The following PCDHA6 variants were observed in gnomAD, a reference collection of about 807,000 sequenced individuals.
PCDHA6 encodes the protein protocadherin alpha 6.
Under a neutral mutation model 60.3 loss-of-function variants are expected in PCDHA6, and 55 were observed. The observed-to-expected ratio is 0.91, with a 90% CI of 0.73 to 1.14. The LOEUF is 1.14. Ranked by LOEUF, PCDHA6 falls within the 50% of genes most tolerant of loss-of-function variation. PCDHA6 has a pLI of 0.00. For synonymous variants in PCDHA6, 652 were observed against 557.9 expected (o/e 1.17, Z -2.38); for missense variants, 1,327 against 1,256.5 (o/e 1.06, Z -0.85).
At chr5:140,944,304 C>T (rs1383475197) in intron 1 of PCDHA6, among the ~76,000 whole-genome samples, 1 of 152,162 alleles carries the variant, frequency 6.6e-6, no homozygotes, top group Non-Finnish European at 1.5e-5. Context: ...CCTCCTACCT[C>T]AGCCTCCTGA....
chr5:141,007,671 A>G (rs1161141271), intron 3 of PCDHA6, among the ~76,000 whole-genome samples: 1 of 152,184 alleles, frequency 6.6e-6, no homozygotes, highest in African/African-American at 2.4e-5. Context: ...TTACAAAGAC[A>G]AAAGTTATCC....
At position 140,931,063 on chromosome 5, in the gene PCDHA6, A is replaced by C. The variant is rs1584700470; in HGVS notation, c.2395-47886A>C. Among the ~76,000 whole-genome samples, 4 of 152,202 alleles carry C rather than the reference A, an allele frequency of 2.6e-5. No individual in the cohort carries two copies. In the South Asian group the frequency reaches 8.3e-4, roughly 31 times the overall value. On this transcript the variant is annotated intron_variant, in intron 1 of 3. Coordinates refer to ENST00000529310, the MANE Select transcript of PCDHA6 (RefSeq NM_018909.4). ...GAAAAACTTCAATGCTGTGTCTGGGACTAAGTATGAGTCCAGTTCTACAGA... is the reference window on the plus strand; with the variant it reads ...GAAAAACTTCAATGCTGTGTCTGGGCCTAAGTATGAGTCCAGTTCTACAGA...
At chr5:140,911,934 A>G (rs2075691303) in intron 1 of PCDHA6, among the ~76,000 whole-genome samples, 1 of 152,158 alleles carries the variant, frequency 6.6e-6, no homozygotes, top group East Asian at 1.9e-4. Flanking sequence ...AATAGGATAG[A>G]TGTATATATA....
At chr5:140,882,491 C>T (rs782462724) in intron 1 of PCDHA6, 1 of 1,614,078 alleles carries the variant, frequency 6.2e-7, no homozygotes, top group South Asian at 1.1e-5. Flanking sequence ...CGGGGACCTT[C>T]TGGAGGTAAA....
At position 140,830,426 on chromosome 5, in the gene PCDHA6, T is replaced by G. The variant is rs2150186356; in HGVS notation, c.2335T>G (p.Cys779Gly). 1 of 1,613,866 alleles carries G rather than the reference T, an allele frequency of 6.2e-7. No homozygotes were observed. Among genetic ancestry groups the G allele is most frequent in the Non-Finnish European group, 8.5e-7 (1 of 1,179,752 alleles). ...GGCCTTTAGCCCCAGCCTTTCACCT[T>G]GTCCTATTATGATGGGTAAGGCGGA... ...LMAFSPSLSP[C>G]PIMMGKAENQ... Residue 779 changes from cysteine to glycine, a missense_variant, in exon 1 of 4, where the codon TGT (cysteine) becomes GGT (glycine). Coordinates refer to ENST00000529310, the MANE Select transcript of PCDHA6 (RefSeq NM_018909.4).
At position 140,848,676 on chromosome 5, in the gene PCDHA6, C is replaced by A. The variant is rs2150416820; in HGVS notation, c.2394+18191C>A. 8.2e-6 allele frequency: 13 copies of A among 1,592,292 alleles called. 1 individual carries two copies. The African/African-American group carries it at 1.1e-4, about 13-fold the overall frequency. ...GGGGCTGGAGCTGGCGGAGCTGGTG[C>A]CGCGCCTGTTCCAGTTGGATTCCAA... On this transcript the variant is annotated intron_variant, in intron 1 of 3. Transcript: ENST00000529310.
intron 1 of PCDHA6, among the ~76,000 whole-genome samples, chr5:140,890,676 C>T (rs1377876863): frequency 3.3e-5 from 5 of 152,164 alleles, no homozygotes; most frequent in African/African-American, 1.2e-4. Flanking sequence ...AACCCTTCCT[C>T]CTTCTGGGAA....
chr5:140,882,958 C>T (rs1582656438), intron 1 of PCDHA6: 1 of 1,614,040 alleles, frequency 6.2e-7, no homozygotes, highest in Non-Finnish European at 8.5e-7. Flanking sequence ...AGCTGCTCAT[C>T]ACGATTCTGG....
At chr5:140,956,174 C>T (rs1353306679) in intron 1 of PCDHA6, among the ~76,000 whole-genome samples, 1 of 152,154 alleles carries the variant, frequency 6.6e-6, no homozygotes. Context: ...GCCAGAACTT[C>T]CAATACTATG....
intron 3 of PCDHA6, among the ~76,000 whole-genome samples, chr5:140,992,293 G>A (rs1043574685): frequency 1.3e-5 from 2 of 152,136 alleles, no homozygotes; most frequent in African/African-American, 2.4e-5. Flanking sequence ...GCAAAGGATG[G>A]GAGTATTGTT....
chr5:140,994,962 T>C (rs2097657475), intron 3 of PCDHA6, among the ~76,000 whole-genome samples: 2 of 152,208 alleles, frequency 1.3e-5, no homozygotes, highest in Admixed American at 1.3e-4. Flanking sequence ...TGTAGTTTCA[T>C]TTGTTGGCCA....
At chr5:140,877,280 A>G (rs782014601) in intron 1 of PCDHA6, 14 of 1,613,734 alleles carry the variant, frequency 8.7e-6, no homozygotes, top group Non-Finnish European at 1.2e-5. Context: ...GACTCCGGCT[A>G]TAACGCTTGG....
Position 140,850,105 on chromosome 5 carries a change from C to T in PCDHA6, c.2394+19620C>T, listed in dbSNP as rs1554143759. 1.9e-6 allele frequency: 3 copies of T among 1,596,238 alleles called. No homozygotes were observed. In the East Asian group the frequency reaches 6.7e-5, roughly 36 times the overall value. ...GAGCTGCTACAGTTCCAGGTGAGCG[C>T]GCGCGACGCGGGCGTGCCGCCTCTG... On this transcript the variant is annotated intron_variant, in intron 1 of 3. Coordinates refer to ENST00000529310, the MANE Select transcript of PCDHA6 (RefSeq NM_018909.4).
intron 1 of PCDHA6, chr5:140,850,292 C>A: frequency 6.3e-7 from 1 of 1,596,038 alleles, no homozygotes; most frequent in Non-Finnish European, 8.6e-7. Flanking sequence ...CAGTGGACGC[C>A]GACTCGGGCT....
chr5:140,985,128 G>C (rs908196925), intron 3 of PCDHA6, among the ~76,000 whole-genome samples: 1 of 152,056 alleles, frequency 6.6e-6, no homozygotes, highest in African/African-American at 2.4e-5. Context: ...TAGTAAAGAC[G>C]GGGTTTCACC....
At chr5:140,831,505 C>A (rs1412107675) in intron 1 of PCDHA6, among the ~76,000 whole-genome samples, 1 of 140,118 alleles carries the variant, frequency 7.1e-6, no homozygotes. Flanking sequence ...ACACGAGCAC[C>A]ACCATGCCCC....
At chr5:140,861,422 T>G in intron 1 of PCDHA6, 1 of 482,430 alleles carries the variant, frequency 2.1e-6, no homozygotes, top group Admixed American at 2.1e-5. Flanking sequence ...CGCGCCTGTT[T>G]CAGTTGGATT....
rs782568393 is a variant in PCDHA6 at position 141,011,637 on chromosome 5, C to G, written c.*1700C>G. The G allele has an allele frequency of 2.0e-5, 3 of 153,526 alleles. No homozygotes were observed. Among genetic ancestry groups the G allele is most frequent in the Non-Finnish European group, 4.4e-5 (3 of 68,022 alleles). The allele number at this position is 153,526 out of a possible 1,614,324, so 9.5% of individuals were successfully genotyped here. ...GGTCCAGCCAAGAGCCATCTCGTGC[C>G]AAGACTTCTGCTGGCAAGGGAATGG... is the stretch of plus-strand genomic sequence containing the variant. On this transcript the variant is annotated 3_prime_UTR_variant, in exon 4 of 4. Transcript: ENST00000529310.
At chr5:140,875,740 A>G (rs377133743) in intron 1 of PCDHA6, 14 of 1,614,104 alleles carry the variant, frequency 8.7e-6, no homozygotes, top group Non-Finnish European at 1.2e-5. Context: ...GAATTCTCGG[A>G]TCGACCGCGA....
Sources: allele counts gnomAD v4.1 joint callset (sites outside exome capture counted in the v4.1 genomes callset), GRCh38; gene constraint gnomAD v4.1.1; transcripts MANE v1.5; gene names NCBI Gene and HGNC (gene_info 2026-07-23, HGNC 2026-07-21).